The following SETBP1 variants were observed in gnomAD, a reference collection of about 807,000 sequenced individuals.
SETBP1 encodes the protein SET-binding protein.
SETBP1 carries 9 observed loss-of-function variants against 101.0 expected under a neutral mutation model. The observed-to-expected ratio is 0.09, with a 90% CI of 0.05 to 0.16. The LOEUF (loss-of-function observed/expected upper bound fraction) is 0.16. SETBP1 is among the 10% of genes least tolerant of loss of function. The pLI is 1.00. For synonymous variants in SETBP1, 818 were observed against 788.5 expected, an observed-to-expected ratio of 1.04 and a Z score of -0.63; for missense variants, 1,858 against 2,033.8, an observed-to-expected ratio of 0.91 and a Z score of 1.66.
intron 4 of SETBP1, among the ~76,000 whole-genome samples, chr18:44,985,230 C>T (rs529798708): frequency 7.9e-5 from 12 of 152,012 alleles, no homozygotes; most frequent in Non-Finnish European, 1.5e-4. Flanking sequence ...TTCTGAGATG[C>T]TAAAATTGAC....
At chr18:44,746,454 T>C (rs17710617) in intron 2 of SETBP1, among the ~76,000 whole-genome samples, 42,808 of 152,096 alleles carry the variant, frequency 0.28, 6,281 homozygotes, top group Non-Finnish European at 0.32. Context: ...AAATGGAGAA[T>C]ACAGGAAAAA....
At position 44,950,323 on chromosome 18, in the gene SETBP1, C is replaced by T. The variant is rs997875397; in HGVS notation, c.983C>T (p.Pro328Leu). The T allele has an allele frequency of 1.2e-6, 2 of 1,613,946 alleles. No individual in the cohort carries two copies. The highest frequency in any genetic ancestry group is 2.7e-5 in the African/African-American group (2 of 74,952). ...GGAGGTACAAAGGAGCCCCCAGAAC[C>T]ACCTACGGTGGGCAGCAAGAAAAAG... ...DGGGTKEPPE[P>L]PTVGSKKKSS... The change falls in exon 4 of 6, where the codon CCA becomes CTA. Residue 328 changes from proline (P) to leucine (L), a missense_variant. Transcript: ENST00000649279.
chr18:44,865,669 A>G (rs1052632418), intron 2 of SETBP1, among the ~76,000 whole-genome samples: 1 of 152,170 alleles, frequency 6.6e-6, no homozygotes, highest in African/African-American at 2.4e-5. Flanking sequence ...TGCAGGGTTT[A>G]TGTTTGGCCC....
chr18:44,956,004 T>C (rs1409998529), intron 4 of SETBP1, among the ~76,000 whole-genome samples: 6 of 152,242 alleles, frequency 3.9e-5, no homozygotes, highest in African/African-American at 1.4e-4. Flanking sequence ...CTGTCCTTAC[T>C]GAAATCCAGC....
At chr18:44,830,622 A>T (rs756762898) in intron 2 of SETBP1, among the ~76,000 whole-genome samples, 3 of 152,140 alleles carry the variant, frequency 2.0e-5, no homozygotes, top group Admixed American at 6.5e-5. Flanking sequence ...TTGGGATTTG[A>T]TCAGATGGAA....
At chr18:44,957,453 G>A (rs1175101872) in intron 4 of SETBP1, among the ~76,000 whole-genome samples, 1 of 152,056 alleles carries the variant, frequency 6.6e-6, no homozygotes, top group Non-Finnish European at 1.5e-5. Flanking sequence ...TAAGAAGGTA[G>A]CCATCCCAAG....
intron 2 of SETBP1, among the ~76,000 whole-genome samples, chr18:44,851,615 C>G (rs1480932736): frequency 1.3e-5 from 2 of 152,192 alleles, no homozygotes; most frequent in Non-Finnish European, 2.9e-5. Flanking sequence ...TCTTCCTTTT[C>G]CCCTCTCTCT....
chr18:44,807,756 C>T (rs532235812), intron 2 of SETBP1, among the ~76,000 whole-genome samples: 1 of 152,244 alleles, frequency 6.6e-6, no homozygotes, highest in South Asian at 2.1e-4. Context: ...ATTGCTGGAA[C>T]CCAACATCTT....
At chr18:44,712,174 G>T (rs1026162788) in intron 2 of SETBP1, among the ~76,000 whole-genome samples, 2 of 151,976 alleles carry the variant, frequency 1.3e-5, no homozygotes, top group African/African-American at 2.4e-5. Context: ...GTTTATTGTG[G>T]TTCCCTCCCT....
chr18:44,724,381 A>G (rs1287745003), intron 2 of SETBP1, among the ~76,000 whole-genome samples: 1 of 151,946 alleles, frequency 6.6e-6, no homozygotes, highest in East Asian at 1.9e-4. Flanking sequence ...AATCTCAGTG[A>G]CATGCCCATT....
chr18:44,929,656 T>C (rs1034093261), intron 3 of SETBP1, among the ~76,000 whole-genome samples: 5 of 152,204 alleles, frequency 3.3e-5, no homozygotes, highest in African/African-American at 1.2e-4. Context: ...TTCACATCCC[T>C]TGTAAGTTGG....
chr18:44,788,763 G>C (rs191352637), intron 2 of SETBP1, among the ~76,000 whole-genome samples: 1 of 148,284 alleles, frequency 6.7e-6, no homozygotes, highest in Non-Finnish European at 1.5e-5. Flanking sequence ...CCCACTCAGA[G>C]AAACTGATTT....
rs564482294 is a variant in SETBP1, at chr18:44,876,640, T to C, written c.540+7357T>C. On this transcript the variant is annotated intron_variant, in intron 3 of 5. Transcript: ENST00000649279. ...CATCCCATTCAAAAAGCAATTCCTG[T>C]CCCAGGAACGTGCCATGTGCTTCTC... is the stretch of plus-strand genomic sequence containing the variant. 3.9e-6 allele frequency: 6 copies of C among 1,551,506 alleles called. No homozygotes were observed. The African/African-American group carries it at 8.2e-5, about 21-fold the overall frequency.
At chr18:44,770,303 G>T (rs1343973709) in intron 2 of SETBP1, among the ~76,000 whole-genome samples, 2 of 152,214 alleles carry the variant, frequency 1.3e-5, no homozygotes, top group Non-Finnish European at 2.9e-5. Context: ...TGGGAGCCTG[G>T]AAGAAAACAG....
chr18:44,998,304 C>T (rs578259946), intron 4 of SETBP1, among the ~76,000 whole-genome samples: 17 of 152,334 alleles, frequency 1.1e-4, no homozygotes, highest in South Asian at 4.1e-4. Flanking sequence ...GCCCCGTTTC[C>T]GGGGTATCTC....
intron 2 of SETBP1, among the ~76,000 whole-genome samples, chr18:44,808,364 T>G (rs2071791964): frequency 6.6e-6 from 1 of 152,210 alleles, no homozygotes; most frequent in Non-Finnish European, 1.5e-5. Context: ...TGGTTCATTT[T>G]CAAGTCTTCA....
At chr18:44,911,299 T>C (rs536210298) in intron 3 of SETBP1, among the ~76,000 whole-genome samples, 2 of 152,352 alleles carry the variant, frequency 1.3e-5, no homozygotes, top group African/African-American at 4.8e-5. Context: ...AGAGAATTTA[T>C]ATTAGGTTGG....
At chr18:44,706,167 G>C (rs1412135570) in intron 2 of SETBP1, among the ~76,000 whole-genome samples, 1 of 152,076 alleles carries the variant, frequency 6.6e-6, no homozygotes, top group African/African-American at 2.4e-5. Context: ...TCTTTATCAT[G>C]GGACCAACGT....
intron 2 of SETBP1, among the ~76,000 whole-genome samples, chr18:44,746,639 AT>A (rs1245539960): frequency 1.3e-5 from 2 of 152,222 alleles, no homozygotes; most frequent in Admixed American, 1.3e-4. Context: ...AAGGCATTTA[AT>A]AGATGTTTGA....
Sources: allele counts gnomAD v4.1 joint callset (sites outside exome capture counted in the v4.1 genomes callset), GRCh38; gene constraint gnomAD v4.1.1; transcripts MANE v1.5; gene names NCBI Gene and HGNC (gene_info 2026-07-23, HGNC 2026-07-21).